Variants in OXCT1 observed in about 807,000 individuals in gnomAD.
The protein encoded by OXCT1 is 3-oxoacid CoA-transferase 1.
Under a neutral mutation model 69.6 loss-of-function variants are expected in OXCT1, and 27 were observed. The ratio of observed to expected loss-of-function variants is 0.39; its 90% CI spans 0.29 to 0.54. The LOEUF is 0.54. OXCT1 is among the 20% of genes least tolerant of loss of function. The pLI, the probability that OXCT1 is intolerant of heterozygous loss-of-function variation, is 0.72. For missense variants in OXCT1, 437 were observed against 650.2 expected, an observed-to-expected ratio of 0.67 and a Z score of 3.57; for synonymous variants, 202 against 217.8, an observed-to-expected ratio of 0.93 and a Z score of 0.64.
intron 9 of OXCT1, 142 bp downstream of exon 9, chr5:41,805,425 A>T: frequency 2.6e-6 from 1 of 381,696 alleles, no homozygotes; most frequent in Non-Finnish European, 4.7e-6. Flanking sequence ...ACATTTTGTA[A>T]AAAAAAAAAA....
At chr5:41,824,879 G>A (rs1432411500) in intron 7 of OXCT1, among the ~76,000 whole-genome samples, 3 of 152,100 alleles carry the variant, frequency 2.0e-5, no homozygotes, top group Non-Finnish European at 4.4e-5. Context: ...TGGTAATAAC[G>A]ATGAAATTTT....
chr5:41,758,334 T>C (rs1744183174), intron 14 of OXCT1, among the ~76,000 whole-genome samples: 1 of 152,070 alleles, frequency 6.6e-6, no homozygotes, highest in Non-Finnish European at 1.5e-5. Flanking sequence ...GGTGGAGTTG[T>C]GTAATAGGAA....
intron 14 of OXCT1, among the ~76,000 whole-genome samples, chr5:41,751,527 C>T (rs539214709): frequency 3.9e-5 from 6 of 152,254 alleles, no homozygotes; most frequent in South Asian, 2.1e-4. Context: ...CCATGCCCCC[C>T]ACTGTCTCTG....
intron 10 of OXCT1, among the ~76,000 whole-genome samples, chr5:41,802,801 T>G (rs557229026): frequency 6.6e-6 from 1 of 152,156 alleles, no homozygotes; most frequent in East Asian, 1.9e-4. Flanking sequence ...AATACTACAT[T>G]GCTTACATTT....
rs531656826 is a variant in OXCT1 at position 41,753,609 on chromosome 5, A to G, written c.1339-4002T>C. 2.2e-4 allele frequency among the ~76,000 whole-genome samples: 33 copies of G among 152,150 alleles called. No homozygotes were observed. In the South Asian group the frequency reaches 6.2e-3, roughly 29 times the overall value. ...AGCATCCTCATCTGGTGCTGCAGTC[A>G]TGTTCCCATGGGTGTCCCCAGTGTG... is the stretch of plus-strand genomic sequence containing the variant. On this transcript the variant is annotated intron_variant, in intron 14 of 16. Transcript: ENST00000196371.
At chr5:41,812,849 C>A (rs1025045051) in intron 7 of OXCT1, among the ~76,000 whole-genome samples, 2 of 151,960 alleles carry the variant, frequency 1.3e-5, no homozygotes, top group African/African-American at 2.4e-5. Flanking sequence ...TCCCAGGACC[C>A]TTAAAGAGCC....
chr5:41,767,688 A>G (rs1390165891), intron 13 of OXCT1, among the ~76,000 whole-genome samples: 1 of 142,814 alleles, frequency 7.0e-6, no homozygotes, highest in Non-Finnish European at 1.5e-5. Context: ...GGTGTCTACT[A>G]TATATCTATC....
intron 7 of OXCT1, among the ~76,000 whole-genome samples, chr5:41,818,086 A>T (rs1386446549): frequency 6.6e-6 from 1 of 152,214 alleles, no homozygotes; most frequent in Non-Finnish European, 1.5e-5. Context: ...CTCAAATATC[A>T]TTTAATGAGC....
At chr5:41,858,548 G>C (rs1373323206) in intron 3 of OXCT1, among the ~76,000 whole-genome samples, 2 of 152,098 alleles carry the variant, frequency 1.3e-5, no homozygotes, top group Non-Finnish European at 2.9e-5. Context: ...TAACAAACCT[G>C]GGTTTCAAAC....
intron 1 of OXCT1, among the ~76,000 whole-genome samples, chr5:41,863,265 T>A (rs1749824630): frequency 6.6e-6 from 1 of 152,166 alleles, no homozygotes; most frequent in African/African-American, 2.4e-5. Context: ...ACTATATACA[T>A]TGTTGAACAG....
At chr5:41,869,132 C>T (rs903363730) in intron 1 of OXCT1, among the ~76,000 whole-genome samples, 6 of 152,182 alleles carry the variant, frequency 3.9e-5, no homozygotes, top group African/African-American at 1.4e-4. Flanking sequence ...TATAAAAATG[C>T]TTCCTAAGAG....
intron 4 of OXCT1, among the ~76,000 whole-genome samples, chr5:41,850,854 T>C (rs1305267439): frequency 6.6e-6 from 1 of 152,194 alleles, no homozygotes; most frequent in Non-Finnish European, 1.5e-5. Context: ...AAGACTAGTT[T>C]CCCTGGCTCT....
intron 7 of OXCT1, among the ~76,000 whole-genome samples, chr5:41,836,602 G>A (rs1312330116): frequency 6.6e-6 from 1 of 152,132 alleles, no homozygotes; most frequent in African/African-American, 2.4e-5. Flanking sequence ...GTTTTGGGAT[G>A]AAACTGTTCC....
Position 41,762,160 on chromosome 5 carries a change from A to C in OXCT1, c.1289T>G (p.Val430Gly). 6.2e-7 allele frequency: 1 copy of C among 1,613,440 alleles called. No individual in the cohort carries two copies. The highest frequency in any genetic ancestry group is 8.5e-7 in the Non-Finnish European group (1 of 1,179,498). The stretch of plus-strand genomic sequence containing the variant: ...CACCACTTTGGTTTTCGCACTGGAC[A>C]CTAAATCCATAGCACCTCCCATTCC... The part of the protein sequence containing the change: ...VKGMGGAMDL[V>G]SSAKTKVVVT... The change falls in exon 14 of 17, where the codon GTG (valine) becomes GGG (glycine). Residue 430 changes from valine to glycine, a missense_variant. Coordinates refer to ENST00000196371, the MANE Select transcript of OXCT1 (RefSeq NM_000436.4). This position sits in a 1 kb window ranked among gnomAD's most constrained non-coding sequence, Gnocchi z 4.0.
chr5:41,773,990 A>G (rs941098105), intron 13 of OXCT1, among the ~76,000 whole-genome samples: 1 of 152,224 alleles, frequency 6.6e-6, no homozygotes, highest in Non-Finnish European at 1.5e-5. Context: ...GAGTTACAGT[A>G]AGTGAGAGGA....
At chr5:41,745,465 G>A (rs1441088660) in intron 15 of OXCT1, among the ~76,000 whole-genome samples, 6 of 152,112 alleles carry the variant, frequency 3.9e-5, no homozygotes, top group Non-Finnish European at 7.4e-5. Flanking sequence ...ATCTAAAATT[G>A]ACATCCTAAC....
intron 7 of OXCT1, among the ~76,000 whole-genome samples, chr5:41,837,563 C>CA (rs777241187): frequency 0.047 from 1,326 of 28,266 alleles, 11 homozygotes; most frequent in Non-Finnish European, 0.068. Flanking sequence ...GGTACTAGAA[C>CA]AAAAAAAAAA....
At chr5:41,739,181 G>A (rs1348003989) in intron 16 of OXCT1, among the ~76,000 whole-genome samples, 1 of 152,178 alleles carries the variant, frequency 6.6e-6, no homozygotes, top group Non-Finnish European at 1.5e-5. Flanking sequence ...TCCTGCTTCT[G>A]AGTCCTAAGC....
intron 7 of OXCT1, among the ~76,000 whole-genome samples, chr5:41,815,482 A>C (rs1747192996): frequency 6.6e-6 from 1 of 152,106 alleles, no homozygotes; most frequent in Non-Finnish European, 1.5e-5. Context: ...CCCAGCTGCT[A>C]ACATTTTTTG....
Sources: allele counts gnomAD v4.1 joint callset (sites outside exome capture counted in the v4.1 genomes callset), GRCh38; gene constraint gnomAD v4.1.1; non-coding constraint Gnocchi (gnomAD v3.1); transcripts MANE v1.5; gene names NCBI Gene and HGNC (gene_info 2026-07-23, HGNC 2026-07-21).